COL11A1: variants seen among roughly 807,000 people sequenced by gnomAD.
COL11A1 encodes the protein collagen type XI alpha 1 chain, also known as collagen alpha-1(XI) chain.
In COL11A1, 74 loss-of-function variants were observed where a neutral mutation model predicts 265.2. The observed-to-expected ratio is 0.28, with a 90% CI of 0.23 to 0.34. The LOEUF is 0.34. Among genes scored for constraint, COL11A1 ranks in the 10% least tolerant of loss-of-function variants. COL11A1 has a pLI of 1.00. For synonymous variants in COL11A1, 816 were observed against 727.6 expected, an observed-to-expected ratio of 1.12 and a Z score of -1.96; for missense variants, 2,165 against 2,263.6, an observed-to-expected ratio of 0.96 and a Z score of 0.88.
intron 1 of COL11A1, among the ~76,000 whole-genome samples, chr1:103,087,660 C>G (rs1180761588): frequency 2.6e-5 from 4 of 152,190 alleles, no homozygotes; most frequent in Non-Finnish European, 5.9e-5. Flanking sequence ...ATAAACCCTA[C>G]TCTCTGTTTC....
chr1:103,062,411 T>A (rs1670745539), intron 4 of COL11A1, among the ~76,000 whole-genome samples: 1 of 151,894 alleles, frequency 6.6e-6, no homozygotes, highest in Admixed American at 6.6e-5. Context: ...CTCATGAACA[T>A]AAATGCAAAA....
chr1:102,949,648 T>G (rs1483208968), intron 41 of COL11A1, among the ~76,000 whole-genome samples: 1 of 152,226 alleles, frequency 6.6e-6, no homozygotes, highest in African/African-American at 2.4e-5. Context: ...TATTGCTGTA[T>G]GACTTGTATA....
chr1:102,981,404 G>T (rs1553225305), intron 31 of COL11A1, among the ~76,000 whole-genome samples: 1 of 150,998 alleles, frequency 6.6e-6, no homozygotes, highest in Non-Finnish European at 1.5e-5. Context: ...TGAGGGGGGG[G>T]ACAAATATTC....
At chr1:102,897,188 T>C (rs1652531909) in intron 57 of COL11A1, among the ~76,000 whole-genome samples, 1 of 152,010 alleles carries the variant, frequency 6.6e-6, no homozygotes, top group African/African-American at 2.4e-5. Context: ...TTAAAAGGAA[T>C]AACCAAAATT....
intron 4 of COL11A1, among the ~76,000 whole-genome samples, chr1:103,036,628 C>T (rs1012210004): frequency 1.3e-5 from 2 of 151,644 alleles, no homozygotes; most frequent in African/African-American, 4.8e-5. Flanking sequence ...TCCCAGAAGG[C>T]ATTTTACAGT....
chr1:102,967,209 A>G (rs187658947), intron 37 of COL11A1, among the ~76,000 whole-genome samples: 1,952 of 149,008 alleles, frequency 0.013, 41 homozygotes, highest in Non-Finnish European at 0.02. Context: ...TCACCCACAA[A>G]ACCAAACATA....
chr1:103,018,716 C>G (rs1192260191), intron 10 of COL11A1, 102 bp downstream of exon 10: 26 of 935,010 alleles, frequency 2.8e-5, no homozygotes, highest in Non-Finnish European at 4.3e-5. Flanking sequence ...CTCTATAATT[C>G]AATATTCTAA....
chr1:103,057,310 T>A (rs892749201), intron 4 of COL11A1, among the ~76,000 whole-genome samples: 2 of 152,194 alleles, frequency 1.3e-5, no homozygotes, highest in African/African-American at 4.8e-5. Context: ...TCAAGTTTTA[T>A]CATGAGGTTA....
chr1:103,015,601 A>T (rs1390289868), intron 12 of COL11A1, 67 bp downstream of exon 12: 12 of 1,212,464 alleles, frequency 9.9e-6, no homozygotes, highest in Non-Finnish European at 1.4e-5. Flanking sequence ...AATATGGTTC[A>T]ACAATAAACT....
chr1:103,028,367 G>T (rs1667723412), intron 5 of COL11A1, among the ~76,000 whole-genome samples: 1 of 152,060 alleles, frequency 6.6e-6, no homozygotes, highest in South Asian at 2.1e-4. Context: ...ATTCACTCCT[G>T]GTTCTCCTTT....
intron 29 of COL11A1, among the ~76,000 whole-genome samples, chr1:102,988,692 A>C (rs1170335832): frequency 1.3e-5 from 2 of 152,172 alleles, no homozygotes; most frequent in African/African-American, 4.8e-5. Context: ...CAAAAGCTGA[A>C]TCATATCATA....
At chr1:102,985,567 G>T (rs1663455940) in intron 30 of COL11A1, among the ~76,000 whole-genome samples, 1 of 152,082 alleles carries the variant, frequency 6.6e-6, no homozygotes, top group African/African-American at 2.4e-5. Flanking sequence ...TACCACATTA[G>T]AATGTATGTA....
chr1:102,900,701 A>G (rs535006284), intron 54 of COL11A1, among the ~76,000 whole-genome samples: 1 of 152,278 alleles, frequency 6.6e-6, no homozygotes, highest in South Asian at 2.1e-4. Context: ...CAGTATTAGA[A>G]GAGCCCAGAG....
At chr1:102,944,375 TC>T (rs1054025463) in intron 42 of COL11A1, among the ~76,000 whole-genome samples, 1 of 152,140 alleles carries the variant, frequency 6.6e-6, no homozygotes, top group Non-Finnish European at 1.5e-5. Flanking sequence ...GACAGCTCCT[TC>T]AAAAGTATAA....
chr1:102,999,597 A>G (rs746619702), intron 24 of COL11A1, among the ~76,000 whole-genome samples: 119 of 151,922 alleles, frequency 7.8e-4, no homozygotes, highest in Non-Finnish European at 1.6e-3. Context: ...AATATAATAT[A>G]TTATCTATTT....
At chr1:102,984,794 G>C (rs1663380161) in intron 30 of COL11A1, among the ~76,000 whole-genome samples, 1 of 151,982 alleles carries the variant, frequency 6.6e-6, no homozygotes, top group Non-Finnish European at 1.5e-5. Flanking sequence ...TGTGTTGAGA[G>C]CTTTAGCTAA....
At chr1:102,945,122 G>A (rs2622864) in intron 42 of COL11A1, among the ~76,000 whole-genome samples, 144,307 of 152,158 alleles carry the variant, frequency 0.95, 68,593 homozygotes, top group East Asian at 1. Context: ...TTAATTCCCA[G>A]TGCAACAGTG....
chr1:102,947,806 C>T (rs937791293), intron 41 of COL11A1, among the ~76,000 whole-genome samples: 1 of 151,636 alleles, frequency 6.6e-6, no homozygotes, highest in Non-Finnish European at 1.5e-5. Flanking sequence ...TATTGTAAAG[C>T]TCAAGTATAA....
At chr1:103,004,843 T>G (rs1346079695) in intron 18 of COL11A1, among the ~76,000 whole-genome samples, 182 bp from the exon 19 acceptor site, 1 of 152,098 alleles carries the variant, frequency 6.6e-6, no homozygotes, top group African/African-American at 2.4e-5. Flanking sequence ...TGGCTTTACA[T>G]GTTAGTATGC....
Sources: allele counts gnomAD v4.1 joint callset (sites outside exome capture counted in the v4.1 genomes callset), GRCh38; gene constraint gnomAD v4.1.1; transcripts MANE v1.5; gene names NCBI Gene and HGNC (gene_info 2026-07-23, HGNC 2026-07-21).